MAP4K4: variants seen among roughly 807,000 people sequenced by gnomAD.
MAP4K4 encodes the protein mitogen-activated protein kinase kinase kinase kinase 4, also known as HPK/GCK-like kinase HGK.
MAP4K4 carries 38 observed loss-of-function variants against 189.6 expected under a neutral mutation model. That is an observed-to-expected ratio of 0.20 (90% CI 0.15 to 0.26). The LOEUF (loss-of-function observed/expected upper bound fraction) is 0.26. MAP4K4 is among the 10% of genes least tolerant of loss of function. The pLI, the probability that MAP4K4 is intolerant of heterozygous loss-of-function variation, is 1.00. For synonymous variants in MAP4K4, 610 were observed against 624.3 expected, an observed-to-expected ratio of 0.98 and a Z score of 0.34; for missense variants, 1,054 against 1,726.9, an observed-to-expected ratio of 0.61 and a Z score of 6.91.
At chr2:101,884,741 A>G (rs2098457427) in intron 28 of MAP4K4, among the ~76,000 whole-genome samples, 1 of 152,196 alleles carries the variant, frequency 6.6e-6, no homozygotes. Context: ...ACTCATGAAT[A>G]TTTTAGTATA....
intron 23 of MAP4K4, among the ~76,000 whole-genome samples, chr2:101,871,084 TA>T (rs939724256): frequency 1.3e-5 from 2 of 152,256 alleles, no homozygotes; most frequent in Middle Eastern, 3.4e-3. Flanking sequence ...GACTTTGCCC[TA>T]AGTGTGTTTC....
In MAP4K4 at chr2:101,825,547, C is replaced by G. The variant is rs183501577; in HGVS notation, c.417+118C>G. The stretch of plus-strand genomic sequence containing the variant: ...TATCTATATAGATTATTCTCTTTGA[C>G]AGCCAAGGGTTCTGTATATCTAGCT... On this transcript the variant is annotated intron_variant, in intron 5 of 32. Transcript: ENST00000324219. The G allele has an allele frequency of 4.2e-4, 233 of 554,934 alleles. 1 individual carries two copies. In the African/African-American group the frequency reaches 4.4e-3, roughly 10 times the overall value. 34.4% of individuals were successfully genotyped at this position (554,934 alleles called of 1,614,324 possible). A position where few individuals can be genotyped will look rare whatever the true frequency, so the allele number is the denominator to read the frequency against.
intron 2 of MAP4K4, among the ~76,000 whole-genome samples, chr2:101,775,802 T>C (rs1412382908): frequency 6.6e-6 from 1 of 152,158 alleles, no homozygotes; most frequent in Non-Finnish European, 1.5e-5. Context: ...ACGTGCCCTG[T>C]TGGGATGATA....
chr2:101,847,658 T>A (rs1201969549), intron 12 of MAP4K4, among the ~76,000 whole-genome samples: 1 of 152,226 alleles, frequency 6.6e-6, no homozygotes, highest in African/African-American at 2.4e-5. Flanking sequence ...TATGAAGTGT[T>A]TGTGTATTAA....
intron 2 of MAP4K4, among the ~76,000 whole-genome samples, chr2:101,760,558 GTA>G (rs1491219859): frequency 3.6e-4 from 50 of 140,460 alleles, no homozygotes; most frequent in South Asian, 1.1e-3. Context: ...GTGTGTGTGT[GTA>G]TATGTATTTA....
intron 2 of MAP4K4, among the ~76,000 whole-genome samples, chr2:101,724,562 T>A (rs1157295790): frequency 6.6e-6 from 1 of 152,228 alleles, no homozygotes; most frequent in Admixed American, 6.5e-5. Flanking sequence ...TGCCAGTGTT[T>A]TAGGTCTTCA....
chr2:101,811,526 A>G (rs2095428768), intron 3 of MAP4K4, among the ~76,000 whole-genome samples: 1 of 151,968 alleles, frequency 6.6e-6, no homozygotes, highest in Non-Finnish European at 1.5e-5. Flanking sequence ...CAGCTGCCCA[A>G]GCTCACCCTC....
intron 16 of MAP4K4, among the ~76,000 whole-genome samples, 190 bp from the exon 17 acceptor site, chr2:101,863,631 C>T (rs1577000462): frequency 6.6e-6 from 1 of 152,144 alleles, no homozygotes; most frequent in South Asian, 2.1e-4. Flanking sequence ...TTGTTCTTTT[C>T]TACATACTGT....
At chr2:101,859,124 C>T in intron 14 of MAP4K4, 42 bp downstream of exon 14, 1 of 1,551,370 alleles carries the variant, frequency 6.4e-7, no homozygotes, top group Non-Finnish European at 8.9e-7. Flanking sequence ...ATCAGGGCTC[C>T]TTCATCCGTC....
At chr2:101,864,266 T>A (rs1023673899) in intron 17 of MAP4K4, among the ~76,000 whole-genome samples, 17 of 152,190 alleles carry the variant, frequency 1.1e-4, no homozygotes, top group Admixed American at 2.0e-4. Context: ...TAACCCTAAA[T>A]AAGGTAGCAA....
intron 2 of MAP4K4, among the ~76,000 whole-genome samples, chr2:101,712,459 G>T (rs1038203934): frequency 2.0e-5 from 3 of 151,974 alleles, no homozygotes; most frequent in African/African-American, 4.8e-5. Context: ...CTCCCAAAGT[G>T]CTGGGATTAT....
intron 2 of MAP4K4, among the ~76,000 whole-genome samples, chr2:101,746,727 T>C (rs1389355454): frequency 6.6e-6 from 1 of 152,144 alleles, no homozygotes; most frequent in Non-Finnish European, 1.5e-5. Context: ...AAAAGCCCTT[T>C]GGGAAAAAAG....
intron 13 of MAP4K4, 132 bp from the exon 14 acceptor site, chr2:101,858,864 T>G: frequency 1.6e-6 from 1 of 622,932 alleles, no homozygotes; most frequent in Non-Finnish European, 2.8e-6. Flanking sequence ...CAATAGATTT[T>G]CTTCAGGTAT....
intron 17 of MAP4K4, 30 bp downstream of exon 17, chr2:101,864,081 C>T (rs1367678919): frequency 8.4e-7 from 1 of 1,195,628 alleles, no homozygotes; most frequent in Non-Finnish European, 1.1e-6. Context: ...ATGTGTGCTG[C>T]TTTTTTCCTT....
intron 2 of MAP4K4, among the ~76,000 whole-genome samples, chr2:101,738,004 C>T (rs2061182048): frequency 6.6e-6 from 1 of 152,170 alleles, no homozygotes; most frequent in Non-Finnish European, 1.5e-5. Flanking sequence ...ATGCTAGCAT[C>T]ATATGGCTTG....
chr2:101,887,709 AC>A (rs1236098376), intron 30 of MAP4K4, 68 bp from the exon 31 acceptor site: 1 of 1,250,416 alleles, frequency 8.0e-7, no homozygotes, highest in Admixed American at 2.2e-5. Flanking sequence ...TAAGAGTCTT[AC>A]TGAGCACTTG....
intron 2 of MAP4K4, among the ~76,000 whole-genome samples, chr2:101,710,500 G>A (rs1217825999): frequency 6.6e-6 from 1 of 152,152 alleles, no homozygotes; most frequent in Non-Finnish European, 1.5e-5. Context: ...TACTTAATGT[G>A]TTTATAATAT....
chr2:101,806,610 C>T (rs2094959339), intron 3 of MAP4K4, among the ~76,000 whole-genome samples: 1 of 152,118 alleles, frequency 6.6e-6, no homozygotes, highest in East Asian at 1.9e-4. Context: ...GAACTCCTGA[C>T]CTCGTGATCC....
intron 2 of MAP4K4, among the ~76,000 whole-genome samples, chr2:101,773,571 C>G (rs1190834726): frequency 1.3e-5 from 2 of 152,196 alleles, no homozygotes; most frequent in African/African-American, 4.8e-5. Context: ...TCCCCTCATG[C>G]ATTTATCCTT....
Sources: allele counts gnomAD v4.1 joint callset (sites outside exome capture counted in the v4.1 genomes callset), GRCh38; gene constraint gnomAD v4.1.1; transcripts MANE v1.5; gene names NCBI Gene and HGNC (gene_info 2026-07-23, HGNC 2026-07-21).